Variants in EGF observed in about 807,000 individuals in gnomAD.
EGF encodes pro-epidermal growth factor.
In EGF, 95 loss-of-function variants were observed where a neutral mutation model predicts 143.8. That is an observed-to-expected ratio of 0.66 (90% CI 0.56 to 0.78). The LOEUF (loss-of-function observed/expected upper bound fraction) is 0.78, where lower values mean the gene tolerates loss of function less well. Among genes scored for constraint, EGF ranks in the 30% least tolerant of loss-of-function variants. The pLI is 0.00. For missense variants in EGF, 1,320 were observed against 1,470.9 expected, an observed-to-expected ratio of 0.90 and a Z score of 1.68; for synonymous variants, 510 against 510.5, an observed-to-expected ratio of 1.00 and a Z score of 0.01.
At position 110,012,722 on chromosome 4, in the gene EGF, A is replaced by T. The variant is rs1332828150; in HGVS notation, c.*1267A>T. Among the ~76,000 whole-genome samples the T allele has an allele frequency of 6.6e-6, 1 of 152,138 alleles. No homozygotes were observed. Among genetic ancestry groups the T allele is most frequent in the Non-Finnish European group, 1.5e-5 (1 of 68,028 alleles). ...CATGGTGCCCAGCCTTGTAACTTTT[A>T]AAAAAATTTTTTAATCTACAACTCT... On this transcript the variant is annotated 3_prime_UTR_variant, in exon 24 of 24. Coordinates refer to ENST00000265171, the MANE Select transcript of EGF (RefSeq NM_001963.6).
At chr4:109,970,166 G>A (rs1406347813) in intron 11 of EGF, among the ~76,000 whole-genome samples, 1 of 152,186 alleles carries the variant, frequency 6.6e-6, no homozygotes, top group Non-Finnish European at 1.5e-5. Context: ...TATGCAGCCT[G>A]CGTGAACCTC....
At chr4:110,008,092 C>T (rs553388028) in intron 22 of EGF, 60 bp from the exon 23 acceptor site, 10 of 1,456,006 alleles carry the variant, frequency 6.9e-6, no homozygotes, top group African/African-American at 5.6e-5. Context: ...ATTCAATGTA[C>T]GTTGAGATAA....
chr4:109,974,885 C>A, intron 12 of EGF, 78 bp downstream of exon 12: 1 of 1,113,334 alleles, frequency 9.0e-7, no homozygotes, highest in Non-Finnish European at 1.4e-6. Context: ...GTGTCCAAAA[C>A]CAGAAACCAA....
chr4:110,009,999 C>T (rs188452156), intron 23 of EGF, among the ~76,000 whole-genome samples: 9 of 152,120 alleles, frequency 5.9e-5, no homozygotes, highest in Non-Finnish European at 1.3e-4. Flanking sequence ...CTTTGGGAGG[C>T]CAAGGTGGGC....
At chr4:109,993,491 G>T (rs1751331677) in intron 19 of EGF, 122 bp downstream of exon 19, 3 of 1,418,392 alleles carry the variant, frequency 2.1e-6, no homozygotes, top group Admixed American at 2.0e-5. Context: ...TGCAGAGCTG[G>T]CTTTCCTGAT....
chr4:109,960,985 T>C lies in EGF; in HGVS notation c.1185T>C (p.Cys395=). The change falls in exon 7 of 24, where the codon TGT becomes TGC. Residue 395 remains cysteine, a synonymous_variant. Coordinates refer to ENST00000265171, the MANE Select transcript of EGF (RefSeq NM_001963.6). ...TTCTGCTTCCTGATGGGAAACGATGTCATCGTAAGTTATAGCAACAAGTAT... is the reference window on the plus strand; with the variant it reads ...TTCTGCTTCCTGATGGGAAACGATGCCATCGTAAGTTATAGCAACAAGTAT... ...GFVLLPDGKR[C]HQLVSCPRNV... 1 of 1,613,880 alleles carries C rather than the reference T, an allele frequency of 6.2e-7. No homozygotes were observed. The highest frequency in any genetic ancestry group is 1.7e-4 in the Middle Eastern group (1 of 6,058).
chr4:109,981,053 C>A, intron 15 of EGF, 78 bp downstream of exon 15: 1 of 1,584,272 alleles, frequency 6.3e-7, no homozygotes, highest in Non-Finnish European at 8.7e-7. Flanking sequence ...TATGCTTTTG[C>A]TGATTTTGAA....
intron 1 of EGF, among the ~76,000 whole-genome samples, chr4:109,928,237 T>G (rs1385030393): frequency 6.6e-6 from 1 of 152,160 alleles, no homozygotes; most frequent in African/African-American, 2.4e-5. Flanking sequence ...TAGACATCTA[T>G]AAGCAAAATA....
At chr4:110,002,391 G>A (rs1752682774) in intron 21 of EGF, among the ~76,000 whole-genome samples, 1 of 152,160 alleles carries the variant, frequency 6.6e-6, no homozygotes, top group Non-Finnish European at 1.5e-5. Flanking sequence ...TACTTGGGAG[G>A]CTAAGGTGGG....
At chr4:109,999,057 G>A (rs551082419) in intron 20 of EGF, among the ~76,000 whole-genome samples, 13 of 152,162 alleles carry the variant, frequency 8.5e-5, no homozygotes, top group Non-Finnish European at 1.9e-4. Flanking sequence ...GTAGGTGAAC[G>A]TCCCTTTTTC....
intron 21 of EGF, chr4:110,001,916 A>G (rs1419218467): frequency 4.1e-6 from 4 of 985,306 alleles, no homozygotes; most frequent in Non-Finnish European, 4.8e-6. Flanking sequence ...AATTCTGATC[A>G]GTGTACCTGC....
intron 11 of EGF, among the ~76,000 whole-genome samples, chr4:109,970,737 A>G (rs1295766164): frequency 6.7e-6 from 1 of 149,614 alleles, no homozygotes; most frequent in Non-Finnish European, 1.5e-5. Context: ...AGGCAGGAGA[A>G]TGGCGTGAAC....
In EGF at chr4:109,988,475, T is replaced by A. The variant is rs41472549; in HGVS notation, c.2609-109T>A. The stretch of plus-strand genomic sequence containing the variant: ...TGCCTGATGTTGGCAACAGCACCTG[T>A]AAAGGACTGAATAAGAATTGAATAT... On this transcript the variant is annotated intron_variant, in intron 17 of 23. Transcript: ENST00000265171. The A allele has an allele frequency of 3.2e-3, 4,938 of 1,538,904 alleles. 9 individuals are homozygous for A. The highest frequency in any genetic ancestry group is 3.8e-3 in the Non-Finnish European group (4,255 of 1,118,628).
chr4:109,973,095 A>G (rs2126094500), intron 11 of EGF, among the ~76,000 whole-genome samples: 1 of 152,292 alleles, frequency 6.6e-6, no homozygotes, highest in South Asian at 2.1e-4. Context: ...TCTTAGCCCT[A>G]TTTATATCCT....
chr4:110,005,397 C>A (rs1413119346), intron 22 of EGF, among the ~76,000 whole-genome samples: 2 of 151,978 alleles, frequency 1.3e-5, no homozygotes, highest in African/African-American at 4.8e-5. Context: ...CTTAATATTT[C>A]TTTTCTCACA....
At chr4:110,010,104 C>T (rs1294503249) in intron 23 of EGF, among the ~76,000 whole-genome samples, 1 of 152,138 alleles carries the variant, frequency 6.6e-6, no homozygotes, top group East Asian at 1.9e-4. Context: ...CCAAAAAGTA[C>T]AAAAATTAGC....
intron 5 of EGF, among the ~76,000 whole-genome samples, chr4:109,945,965 A>G (rs1742792230): frequency 6.6e-6 from 1 of 152,186 alleles, no homozygotes; most frequent in Non-Finnish European, 1.5e-5. Flanking sequence ...GTTTAGGCAA[A>G]TAGAGCTTTT....
intron 15 of EGF, among the ~76,000 whole-genome samples, chr4:109,982,519 G>T (rs1749536286): frequency 2.0e-5 from 3 of 151,920 alleles, no homozygotes; most frequent in African/African-American, 7.3e-5. Context: ...GTAGAGACAG[G>T]GTTTCACCAT....
At chr4:109,994,933 C>CT (rs1367568482) in intron 20 of EGF, 53 bp downstream of exon 20, 75 of 1,610,412 alleles carry the variant, frequency 4.7e-5, no homozygotes, top group Non-Finnish European at 5.9e-5. Context: ...CAGTCCATAA[C>CT]TTGTAGCTAA....
Sources: allele counts gnomAD v4.1 joint callset (sites outside exome capture counted in the v4.1 genomes callset), GRCh38; gene constraint gnomAD v4.1.1; transcripts MANE v1.5; gene names NCBI Gene and HGNC (gene_info 2026-07-23, HGNC 2026-07-21).